Variants in GEN1 observed in about 807,000 individuals in gnomAD.
The protein encoded by GEN1 is flap endonuclease GEN homolog 1.
GEN1 carries 64 observed loss-of-function variants against 67.6 expected under a neutral mutation model. The ratio of observed to expected loss-of-function variants is 0.95; its 90% CI spans 0.77 to 1.17. The LOEUF (loss-of-function observed/expected upper bound fraction) is 1.17, where lower values mean the gene tolerates loss of function less well. Among genes scored for constraint, GEN1 ranks in the 50% most tolerant of loss-of-function variants. GEN1 has a pLI of 0.00. For synonymous variants in GEN1, 371 were observed against 359.4 expected, an observed-to-expected ratio of 1.03 and a Z score of -0.37; for missense variants, 1,058 against 1,048.3, an observed-to-expected ratio of 1.01 and a Z score of -0.13.
At position 17,781,007 on chromosome 2, in the gene GEN1, C is replaced by A. The variant is rs1208950601; in HGVS notation, c.1795C>A (p.Pro599Thr). 2 of 1,613,548 alleles carry A rather than the reference C, an allele frequency of 1.2e-6. No homozygotes were observed. The highest frequency in any genetic ancestry group is 2.7e-5 in the African/African-American group (2 of 74,920). The change falls in exon 14 of 14, where the codon CCA becomes ACA. Residue 599 changes from proline (P) to threonine (T), a missense_variant. Pro to Thr is a conservative substitution (Grantham distance 38). Coordinates refer to ENST00000381254, the MANE Select transcript of GEN1 (RefSeq NM_001130009.3). ...GGAAGGTACTTCTTTTAGTAATTCT[C>A]CAGCTATTCAAAGGAATACTTTTTC... ...DWEGTSFSNSPAIQRNTFSHD... is the reference protein window; with the variant it reads ...DWEGTSFSNSTAIQRNTFSHD...
intron 1 of GEN1, among the ~76,000 whole-genome samples, chr2:17,756,972 A>C (rs1193111876): frequency 1.3e-5 from 2 of 152,224 alleles, no homozygotes; most frequent in Admixed American, 6.5e-5. Context: ...AATGGAAAAC[A>C]ATTGATGATG....
intron 1 of GEN1, among the ~76,000 whole-genome samples, chr2:17,758,075 T>C (rs900740931): frequency 1.3e-5 from 2 of 152,240 alleles, no homozygotes; most frequent in Non-Finnish European, 2.9e-5. Context: ...TCATCTAATT[T>C]AGTTTGAATA....
At chr2:17,777,430 AAGAAAGTAAAACT>A (rs1354557616) in intron 11 of GEN1, among the ~76,000 whole-genome samples, 1 of 152,196 alleles carries the variant, frequency 6.6e-6, no homozygotes, top group Admixed American at 6.5e-5. Flanking sequence ...CAATTAAAAT[AAGAAAGTAAAACT>A]ATCAAACCAA....
chr2:17,774,568 C>T lies in GEN1; in HGVS notation c.1202+167C>T, dbSNP rs535093683. 11 of 364,586 alleles carry T rather than the reference C, an allele frequency of 3.0e-5. No homozygotes were observed. In the South Asian group the frequency reaches 7.7e-4, roughly 25 times the overall value. 22.6% of individuals were successfully genotyped at this position (364,586 alleles called of 1,614,324 possible). On this transcript the variant is annotated intron_variant, in intron 11 of 13. Coordinates refer to ENST00000381254, the MANE Select transcript of GEN1 (RefSeq NM_001130009.3). ...AATCAGAACAACATAGTAAGTCATG[C>T]TTTATCATACTTTTCTACTTCAAAC...
intron 3 of GEN1, among the ~76,000 whole-genome samples, chr2:17,762,506 CT>C (rs918924882): frequency 6.6e-6 from 1 of 151,948 alleles, no homozygotes; most frequent in African/African-American, 2.4e-5. Flanking sequence ...TGTGCCTGGC[CT>C]TTTTTGTCTG....
chr2:17,776,953 C>A (rs2125159400), intron 11 of GEN1, among the ~76,000 whole-genome samples: 1 of 152,166 alleles, frequency 6.6e-6, no homozygotes, highest in East Asian at 1.9e-4. Context: ...AGCGAAAACA[C>A]CTGTCTACTA....
rs762689180 is a variant in GEN1 at position 17,783,966 on chromosome 2, A to G, written c.*2027A>G. On this transcript the variant is annotated 3_prime_UTR_variant, in exon 14 of 14. Transcript: ENST00000381254. ...AGGATTTCTTAAATATACCCAAAGC[A>G]TAGGCAACAAAAGAGAATACACAAA... 5.9e-5 allele frequency: 9 copies of G among 152,276 alleles called. No homozygotes were observed. Among genetic ancestry groups the G allele is most frequent in the Non-Finnish European group, 1.3e-4 (9 of 68,044 alleles). The allele number at this position is 152,276 out of a possible 1,614,324, so 9.4% of individuals were successfully genotyped here. A position where few individuals can be genotyped will look rare whatever the true frequency, so the allele number is the denominator to read the frequency against.
In GEN1 at chr2:17,778,347, C is replaced by CACAT. The variant is rs1553331344; in HGVS notation, c.1264+285_1264+286insCATA. Among the ~76,000 whole-genome samples the CACAT allele has an allele frequency of 3.4e-4, 12 of 35,150 alleles. 5 individuals are homozygous for CACAT. Among genetic ancestry groups the CACAT allele is most frequent in the African/African-American group, 9.0e-4 (12 of 13,314 alleles). 23.1% of individuals were successfully genotyped at this position (35,150 alleles called of 152,430 possible). On this transcript the variant is annotated intron_variant, in intron 12 of 13. Coordinates refer to ENST00000381254, the MANE Select transcript of GEN1 (RefSeq NM_001130009.3). ...ACGTGTACATATATGTATACACACA[C>CACAT]ATGTGTGTACATATATGTATATACA... is the stretch of plus-strand genomic sequence containing the variant.
chr2:17,765,262 T>G (rs1671873365), intron 4 of GEN1, 189 bp downstream of exon 4: 1 of 532,820 alleles, frequency 1.9e-6, no homozygotes, highest in Admixed American at 3.8e-5. Context: ...TGGATTTATC[T>G]CATAAGAACT....
chr2:17,755,108 G>T (rs1671353167), intron 1 of GEN1: 1 of 152,180 alleles, frequency 6.6e-6, no homozygotes, highest in Non-Finnish European at 1.5e-5. Flanking sequence ...ATTTCTAAAA[G>T]TAATCACATA....
intron 11 of GEN1, among the ~76,000 whole-genome samples, chr2:17,777,321 T>C (rs1672477617): frequency 6.6e-6 from 1 of 152,148 alleles, no homozygotes; most frequent in African/African-American, 2.4e-5. Flanking sequence ...TAATGATTAA[T>C]ACATGATGAT....
intron 13 of GEN1, 136 bp downstream of exon 13, chr2:17,780,257 T>C: frequency 2.8e-6 from 2 of 706,000 alleles, no homozygotes; most frequent in East Asian, 2.8e-5. Flanking sequence ...TATTCTTCCT[T>C]CTTTGTCTTC....
intron 7 of GEN1, 65 bp from the exon 8 acceptor site, chr2:17,772,569 G>A: frequency 6.9e-7 from 1 of 1,443,328 alleles, no homozygotes; most frequent in South Asian, 1.4e-5. Flanking sequence ...CTGGCAAAAA[G>A]AATGTATGTA....
chr2:17,780,438 A>G (rs1038762563), intron 13 of GEN1, among the ~76,000 whole-genome samples, 183 bp from the exon 14 acceptor site: 2 of 152,220 alleles, frequency 1.3e-5, no homozygotes, highest in Non-Finnish European at 2.9e-5. Flanking sequence ...CAGTGAGGAA[A>G]ACAACTCAAT....
chr2:17,762,378 GT>G (rs1000854661), intron 3 of GEN1, among the ~76,000 whole-genome samples: 82 of 143,614 alleles, frequency 5.7e-4, no homozygotes, highest in Non-Finnish European at 1.1e-3. Context: ...AGTTTTTTTT[GT>G]TTTTTTTTTA....
Position 17,765,002 on chromosome 2 carries a change from C to G in GEN1, c.454C>G (p.Leu152Val). Residue 152 changes from leucine to valine, a missense_variant, in exon 4 of 14, where the codon CTC becomes GTC. Physicochemically the swap from Leu to Val is conservative, Grantham distance 32. Coordinates refer to ENST00000381254, the MANE Select transcript of GEN1 (RefSeq NM_001130009.3). ...LNAGGHVDGC[L>V]TNDGDTFLYG... ...TGCTGGTGGTCATGTCGATGGCTGCCTCACCAATGATGGAGATACTTTCCT... is the reference window on the plus strand; with the variant it reads ...TGCTGGTGGTCATGTCGATGGCTGCGTCACCAATGATGGAGATACTTTCCT... The G allele has an allele frequency of 6.2e-7, 1 of 1,614,148 alleles. No homozygotes were observed. The highest frequency in any genetic ancestry group is 8.5e-7 in the Non-Finnish European group (1 of 1,179,996).
chr2:17,762,203 G>GTTT (rs528367680), intron 3 of GEN1, among the ~76,000 whole-genome samples: 18 of 125,658 alleles, frequency 1.4e-4, no homozygotes, highest in East Asian at 4.6e-4. Context: ...TTTTTTGGTT[G>GTTT]TTTTTTTTTT....
Position 17,781,978 on chromosome 2 carries a change from C to T in GEN1, c.*39C>T, listed in dbSNP as rs192261917. 9 of 1,147,106 alleles carry T rather than the reference C, an allele frequency of 7.8e-6. No individual in the cohort carries two copies. In the Admixed American group the frequency reaches 2.2e-4, roughly 28 times the overall value. 71.1% of individuals were successfully genotyped at this position (1,147,106 alleles called of 1,614,324 possible). A position where few individuals can be genotyped will look rare whatever the true frequency, so the allele number is the denominator to read the frequency against. On this transcript the variant is annotated 3_prime_UTR_variant, in exon 14 of 14. Coordinates refer to ENST00000381254, the MANE Select transcript of GEN1 (RefSeq NM_001130009.3). ...TAGGTATAACTTAACTATTTTAGTA[C>T]TATCAGCAATAGCAGAGACAGAGGG...
chr2:17,765,000 G>A lies in GEN1; in HGVS notation c.452G>A (p.Cys151Tyr), dbSNP rs750413085. ...YLNAGGHVDGCLTNDGDTFLY... is the reference protein window; with the variant it reads ...YLNAGGHVDGYLTNDGDTFLY... ...AATGCTGGTGGTCATGTCGATGGCT[G>A]CCTCACCAATGATGGAGATACTTTC... is the stretch of plus-strand genomic sequence containing the variant. Residue 151 changes from cysteine (C) to tyrosine (Y), a missense_variant, in exon 4 of 14, where the codon TGC becomes TAC. Physicochemically the swap from Cys to Tyr is radical, Grantham distance 194. Transcript: ENST00000381254. 10 of 1,614,154 alleles carry A rather than the reference G, an allele frequency of 6.2e-6. No individual in the cohort carries two copies. In the Admixed American group the frequency reaches 1.2e-4, roughly 19 times the overall value.
Sources: gnomAD v4.1 joint callset for allele counts (sites outside exome capture counted in the v4.1 genomes callset) on GRCh38, gnomAD v4.1.1 for gene constraint, MANE v1.5 for transcripts, NCBI Gene and HGNC (gene_info 2026-07-23, HGNC 2026-07-21) for gene names.